The following NEB variants were observed in gnomAD, a reference collection of about 807,000 sequenced individuals.
NEB encodes the protein nemaline myopathy type 2.
In NEB, 512 loss-of-function variants were observed where a neutral mutation model predicts 952.2. That is an observed-to-expected ratio of 0.54 (90% CI 0.50 to 0.58). NEB has a LOEUF of 0.58. Ranked by LOEUF, NEB falls within the 20% of genes least tolerant of loss-of-function variation. The probability of loss-of-function intolerance (pLI) is 0.00; values close to 1 mark genes in which losing one functional copy is unlikely to be tolerated. For synonymous variants in NEB, 2,900 were observed against 3,149.8 expected (o/e 0.92, Z 2.66); for missense variants, 8,428 against 9,231.1 (o/e 0.91, Z 3.56).
intron 54 of NEB, 55 bp from the exon 55 acceptor site, chr2:151,646,289 A>G: frequency 7.7e-7 from 1 of 1,294,342 alleles, no homozygotes; most frequent in Non-Finnish European, 1.1e-6. Flanking sequence ...TGAATGATAC[A>G]GTTGGCTTCA....
chr2:151,658,439 C>T (rs2099110207), intron 47 of NEB, among the ~76,000 whole-genome samples: 1 of 151,550 alleles, frequency 6.6e-6, no homozygotes, highest in African/African-American at 2.4e-5. Flanking sequence ...CAAAAGAAAA[C>T]ATCTCTGTTT....
intron 68 of NEB, among the ~76,000 whole-genome samples, chr2:151,628,703 T>TA (rs896005869): frequency 4.0e-5 from 6 of 150,864 alleles, no homozygotes; most frequent in Non-Finnish European, 8.9e-5. Context: ...TACTAAATAC[T>TA]AAAAAAAAAT....
rs1186571934 is a variant in NEB, at chr2:151,600,690, C to T, written c.13540G>A (p.Glu4514Lys). The change falls in exon 89 of 182, where the codon GAA becomes AAA. Residue 4514 changes from glutamate (E) to lysine (K), a missense_variant. Coordinates refer to ENST00000397345, the MANE Select transcript of NEB (RefSeq NM_001164508.2). Reference protein sequence around the residue: ...GHYIGCRSAKEDPKLVWAANV... With the variant: ...GHYIGCRSAKKDPKLVWAANV... ...GCTGCCCAAACCAGTTTAGGGTCTT[C>T]CTTGGCGCTGCGACAGCCAATGTAA... 3.8e-5 allele frequency: 1 copy of T among 26,032 alleles called. No homozygotes were observed. The highest frequency in any genetic ancestry group is 6.8e-5 in the Non-Finnish European group (1 of 14,802). The allele number at this position is 26,032 out of a possible 1,614,324, so 1.6% of individuals were successfully genotyped here.
chr2:151,695,654 T>C lies in NEB; in HGVS notation c.1598A>G (p.Glu533Gly). 6.2e-7 allele frequency: 1 copy of C among 1,613,840 alleles called. No individual in the cohort carries two copies. Among genetic ancestry groups the C allele is most frequent in the Non-Finnish European group, 8.5e-7 (1 of 1,179,772 alleles). The change falls in exon 18 of 182, where the codon GAA (glutamate) becomes GGA (glycine). Residue 533 changes from glutamate to glycine, a missense_variant. Around this residue, in one of 11 missense-constraint regions of NEB, gnomAD observed 2,851 missense variants for 2,791.5 expected, o/e 1.02. Transcript: ENST00000397345. Reference protein sequence around the residue: ...DLNYKAKHESEKFKCHIPPDT... With the variant: ...DLNYKAKHESGKFKCHIPPDT... Reference sequence around the variant, plus strand: ...AGGGGGGATATGGCACTTGAACTTTTCACTTTCATGTTTTGCTTTGTAATT... The same window carrying C: ...AGGGGGGATATGGCACTTGAACTTTCCACTTTCATGTTTTGCTTTGTAATT...
At position 151,655,907 on chromosome 2, in the gene NEB, GT is replaced by G; in HGVS notation, c.6611del (p.Tyr2204SerfsTer13). 6.2e-7 allele frequency: 1 copy of G among 1,613,806 alleles called. No homozygotes were observed. The highest frequency in any genetic ancestry group is 8.5e-7 in the Non-Finnish European group (1 of 1,179,820). ...ACTGGAAGTTGCTCGGGTGCTGGCGGTATTTCTGATCACTGGCATATTCAGT... is the reference window on the plus strand; with the variant it reads ...ACTGGAAGTTGCTCGGGTGCTGGCGGATTTCTGATCACTGGCATATTCAGT... ...KATEYASDQK[Y>X]RQHPSNFQFK... is the part of the protein sequence containing the mutation. On this transcript the variant is annotated frameshift_variant, in exon 50 of 182. Coordinates refer to ENST00000397345, the MANE Select transcript of NEB (RefSeq NM_001164508.2). LOFTEE classifies it high-confidence loss of function.
chr2:151,546,278 G>T, intron 134 of NEB, 67 bp downstream of exon 134: 1 of 1,267,356 alleles, frequency 7.9e-7, no homozygotes, highest in Non-Finnish European at 1.1e-6. Flanking sequence ...GCCTAGCCCT[G>T]GAGGCTGGTG....
At chr2:151,554,415 T>A (rs2095513627) in intron 125 of NEB, among the ~76,000 whole-genome samples, 1 of 151,756 alleles carries the variant, frequency 6.6e-6, no homozygotes. Context: ...AAACCTTAGC[T>A]GGGTGTGGTG....
At chr2:151,699,981 G>T (rs1278752717) in intron 13 of NEB, among the ~76,000 whole-genome samples, 26 of 142,944 alleles carry the variant, frequency 1.8e-4, no homozygotes, top group Non-Finnish European at 3.8e-4. Context: ...TTCTTCTAGG[G>T]TTTTTATGGT....
intron 67 of NEB, 39 bp from the exon 68 acceptor site, chr2:151,629,685 G>T: frequency 6.6e-7 from 1 of 1,511,038 alleles, no homozygotes; most frequent in South Asian, 1.1e-5. Context: ...CAAAAGGTTT[G>T]ACATCAACAA....
At chr2:151,489,336 A>G (rs1486149935) in intron 181 of NEB, among the ~76,000 whole-genome samples, 1 of 152,166 alleles carries the variant, frequency 6.6e-6, no homozygotes, top group African/African-American at 2.4e-5. Flanking sequence ...TACCATTTCT[A>G]TATATATTAA....
At chr2:151,546,575 T>TTTTTA (rs2094724392) in intron 133 of NEB, 132 bp from the exon 134 acceptor site, 1 of 576,700 alleles carries the variant, frequency 1.7e-6, no homozygotes, top group African/African-American at 1.9e-5. Context: ...TTTTTTTTTT[T>TTTTTA]GAGACAGAGT....
chr2:151,625,493 T>C, intron 71 of NEB, 41 bp downstream of exon 71: 2 of 1,416,840 alleles, frequency 1.4e-6, no homozygotes, highest in Non-Finnish European at 1.9e-6. Flanking sequence ...TCGGCAACAA[T>C]CAATGTGGCC....
rs368876425 is a variant in NEB, at chr2:151,562,671, C to A, written c.18831G>T (p.Thr6277=). Residue 6277 remains threonine (T), a synonymous_variant, in exon 120 of 182, where the codon ACG becomes ACT. Transcript: ENST00000397345. ...LEYRHYFHQW[T]SLLEEPNVIR... ...TAACATTGGGTTCTTCCAGAAGAGA[C>A]GTCCACTGGTGGAAATAGTGTCGAT... 1 of 1,600,060 alleles carries A rather than the reference C, an allele frequency of 6.2e-7. No homozygotes were observed. Among genetic ancestry groups the A allele is most frequent in the South Asian group, 1.1e-5 (1 of 89,682 alleles).
chr2:151,706,610 A>G (rs1226818815), intron 13 of NEB, among the ~76,000 whole-genome samples: 1 of 152,086 alleles, frequency 6.6e-6, no homozygotes, highest in Non-Finnish European at 1.5e-5. Context: ...CTCATAAGCA[A>G]CACATCCATA....
At chr2:151,531,741 T>C (rs991029042) in intron 144 of NEB, 51 bp downstream of exon 144, 20 of 1,372,158 alleles carry the variant, frequency 1.5e-5, no homozygotes, top group Non-Finnish European at 2.0e-5. Context: ...CCCTCCATGT[T>C]TGCAGATGCC....
At chr2:151,496,104 GTTA>G (rs1046991275) in intron 173 of NEB, among the ~76,000 whole-genome samples, 169 bp downstream of exon 173, 5 of 152,186 alleles carry the variant, frequency 3.3e-5, no homozygotes, top group Non-Finnish European at 4.4e-5. Flanking sequence ...AAGCAACCTT[GTTA>G]TTATGGGGTT....
At chr2:151,540,318 A>G in intron 138 of NEB, 26 bp downstream of exon 138, 1 of 1,416,486 alleles carries the variant, frequency 7.1e-7, no homozygotes. Context: ...CCATCACAAC[A>G]GAAGAAAAAA....
chr2:151,493,721 A>G, intron 175 of NEB, 54 bp downstream of exon 175: 9 of 1,309,818 alleles, frequency 6.9e-6, no homozygotes, highest in Non-Finnish European at 8.5e-6. Context: ...TGGTACAACC[A>G]TGTTTGCCAG....
chr2:151,659,117 G>C lies in NEB; in HGVS notation c.6023C>G (p.Pro2008Arg). Residue 2008 changes from proline to arginine, a missense_variant, in exon 47 of 182, where the codon CCT becomes CGT. Transcript: ENST00000397345. ...EADKTKVHIM[P>R]DIPQIILAKA... ...TGCCAAAATAATCTGGGGGATATCA[G>C]GCATGATGTGGACTTTGGTTTTGTC... The C allele has an allele frequency of 6.2e-7, 1 of 1,613,110 alleles. No homozygotes were observed. The highest frequency in any genetic ancestry group is 8.5e-7 in the Non-Finnish European group (1 of 1,179,238).
Sources: gnomAD v4.1 joint callset for allele counts (sites outside exome capture counted in the v4.1 genomes callset) on GRCh38, gnomAD v4.1.1 for gene constraint, gnomAD v4.1.1 regional missense constraint, MANE v1.5 for transcripts, NCBI Gene and HGNC (gene_info 2026-07-23, HGNC 2026-07-21) for gene names.